Variants in DNAH10 observed in about 807,000 individuals in gnomAD.
The protein encoded by DNAH10 is axonemal beta dynein heavy chain 10.
Under a neutral mutation model 506.6 loss-of-function variants are expected in DNAH10, and 348 were observed. That is an observed-to-expected ratio of 0.69 (90% confidence interval 0.63 to 0.75). DNAH10 has a LOEUF of 0.75. Ranked by LOEUF, DNAH10 falls within the 30% of genes least tolerant of loss-of-function variation. The pLI is 0.00. For missense variants in DNAH10, 5,179 were observed against 5,787.1 expected (o/e 0.89, Z 3.41); for synonymous variants, 2,059 against 2,198.6 (o/e 0.94, Z 1.78).
chr12:123,810,012 CCTTTT>C (rs1228880240), intron 19 of DNAH10, among the ~76,000 whole-genome samples: 3 of 152,154 alleles, frequency 2.0e-5, no homozygotes, highest in African/African-American at 7.2e-5. Context: ...CACTCTCCGA[CCTTTT>C]CTTATTTTTT....
At position 123,923,919 on chromosome 12, in the gene DNAH10, A is replaced by G. The variant is rs201766063; in HGVS notation, c.11611+52A>G. On this transcript the variant is annotated intron_variant, in intron 66 of 78. Coordinates refer to ENST00000673944, the MANE Select transcript of DNAH10 (RefSeq NM_001372106.1). ...TCCCATCTCCTTGCCCACATGATAC[A>G]TGTATATAAGTTTGTCTGTTGAAAC... is the stretch of plus-strand genomic sequence containing the variant. 3.9e-3 allele frequency: 5,183 copies of G among 1,337,374 alleles called. 16 individuals carry two copies. The highest frequency in any genetic ancestry group is 5.0e-3 in the Non-Finnish European group (4,801 of 962,172). 82.8% of individuals were successfully genotyped at this position (1,337,374 alleles called of 1,614,324 possible). A position where few individuals can be genotyped will look rare whatever the true frequency, so the allele number is the denominator to read the frequency against.
Position 123,867,895 on chromosome 12 carries a change from TGAACC to T in DNAH10, c.7303-7_7303-3del. 2 of 1,611,144 alleles carry T rather than the reference TGAACC, an allele frequency of 1.2e-6. No homozygotes were observed. The highest frequency in any genetic ancestry group is 1.7e-6 in the Non-Finnish European group (2 of 1,178,536). On this transcript the variant is annotated splice_polypyrimidine_tract_variant and splice_region_variant and intron_variant, in intron 42 of 78. Coordinates refer to ENST00000673944, the MANE Select transcript of DNAH10 (RefSeq NM_001372106.1). ...GTGGGCTGAACCAGATATTTTCCTG[TGAACC>T]AGGTAACCCAGTTAGCCAAGATGTT... is the stretch of plus-strand genomic sequence containing the variant.
chr12:123,920,527 G>A (rs1345389974), intron 65 of DNAH10, among the ~76,000 whole-genome samples: 1 of 152,184 alleles, frequency 6.6e-6, no homozygotes, highest in Non-Finnish European at 1.5e-5. Context: ...CCCCTTGCTT[G>A]TGGTTTGCCC....
intron 19 of DNAH10, among the ~76,000 whole-genome samples, chr12:123,811,922 C>A (rs1022373980): frequency 5.9e-5 from 9 of 152,022 alleles, no homozygotes; most frequent in Admixed American, 5.2e-4. Flanking sequence ...CAGGTGCGAG[C>A]CAACGCGCCC....
At chr12:123,784,469 C>A (rs577729046) in intron 8 of DNAH10, among the ~76,000 whole-genome samples, 1 of 152,176 alleles carries the variant, frequency 6.6e-6, no homozygotes, top group African/African-American at 2.4e-5. Context: ...ATTGCTTGAG[C>A]CTGGGAGATG....
chr12:123,826,034 G>A (rs192562124), intron 24 of DNAH10, among the ~76,000 whole-genome samples: 1 of 152,174 alleles, frequency 6.6e-6, no homozygotes, highest in East Asian at 1.9e-4. Flanking sequence ...TGAGATGGGA[G>A]GATCACTTGA....
rs1297164405 is a variant in DNAH10 at position 123,865,984 on chromosome 12, G to C, written c.7078G>C (p.Val2360Leu). 2.5e-6 allele frequency: 4 copies of C among 1,608,762 alleles called. No homozygotes were observed. The highest frequency in any genetic ancestry group is 1.1e-5 in the South Asian group (1 of 90,036). ...GDLQYASPAT[V>L]SRCGMVYVDP... ...TTTACAGTATGCCTCCCCTGCAACT[G>C]TCTCTCGATGTGGAATGGTTTATGT... Residue 2360 changes from valine to leucine, a missense_variant, in exon 41 of 79, where the codon GTC (valine) becomes CTC (leucine). Transcript: ENST00000673944.
intron 19 of DNAH10, among the ~76,000 whole-genome samples, chr12:123,809,303 C>T (rs189212769): frequency 1.2e-4 from 19 of 152,240 alleles, no homozygotes; most frequent in Non-Finnish European, 2.4e-4. Flanking sequence ...GTTGCAGTGA[C>T]GTTCCATCAA....
Position 123,894,705 on chromosome 12 carries a change from G to A in DNAH10, c.9262G>A (p.Val3088Ile). Reference protein sequence around the residue: ...MPWPPQALHAVAKSFLGYNPM... With the variant: ...MPWPPQALHAIAKSFLGYNPM... ...CTGGCCTCCCCAAGCCCTCCATGCG[G>A]TCGCAAAGTCCTTTCTAGGTAAGTC... Residue 3088 changes from valine to isoleucine, a missense_variant, in exon 54 of 79, where the codon GTC becomes ATC. This residue lies in a region of DNAH10 where 4,844 missense variants were observed against 5,430.5 expected (regional missense o/e 0.89). Transcript: ENST00000673944. 6.2e-7 allele frequency: 1 copy of A among 1,614,002 alleles called. No homozygotes were observed. Among genetic ancestry groups the A allele is most frequent in the South Asian group, 1.1e-5 (1 of 91,080 alleles).
chr12:123,861,112 G>C lies in DNAH10; in HGVS notation c.6850G>C (p.Gly2284Arg). 6.2e-7 allele frequency: 1 copy of C among 1,613,984 alleles called. No homozygotes were observed. The highest frequency in any genetic ancestry group is 2.2e-5 in the East Asian group (1 of 44,890). Residue 2284 changes from glycine to arginine, a missense_variant, in exon 39 of 79, where the codon GGG (glycine) becomes CGG (arginine). Physicochemically the swap from Gly to Arg is moderately radical, Grantham distance 125. Coordinates refer to ENST00000673944, the MANE Select transcript of DNAH10 (RefSeq NM_001372106.1). The part of the protein sequence containing the change: ...LDPTTRDWTD[G>R]VLSNIFREIN... ...CCCAACCACCCGAGACTGGACAGAT[G>C]GGGTGTTGTCAAACATCTTCAGGGA...
chr12:123,886,162 A>AT (rs1485551016), intron 51 of DNAH10, among the ~76,000 whole-genome samples: 1 of 151,956 alleles, frequency 6.6e-6, no homozygotes, highest in Non-Finnish European at 1.5e-5. Flanking sequence ...AAGTTTTATT[A>AT]TTTTTTTTCT....
chr12:123,859,654 G>A (rs1397763146), intron 38 of DNAH10, among the ~76,000 whole-genome samples: 1 of 152,138 alleles, frequency 6.6e-6, no homozygotes, highest in African/African-American at 2.4e-5. Flanking sequence ...GAAAACGAAT[G>A]TCACCTCCCC....
chr12:123,844,504 C>T (rs772175148), intron 30 of DNAH10, among the ~76,000 whole-genome samples: 1 of 152,176 alleles, frequency 6.6e-6, no homozygotes, highest in Non-Finnish European at 1.5e-5. Context: ...CCCCACGACT[C>T]AGCAGGATCT....
chr12:123,818,034 C>T (rs769441386), intron 21 of DNAH10, among the ~76,000 whole-genome samples: 9 of 151,358 alleles, frequency 5.9e-5, no homozygotes, highest in Middle Eastern at 3.5e-3. Context: ...CTGCAACCTC[C>T]GACTCCTGGG....
chr12:123,884,554 A>G (rs1952647349), intron 51 of DNAH10, among the ~76,000 whole-genome samples: 1 of 152,218 alleles, frequency 6.6e-6, no homozygotes, highest in South Asian at 2.1e-4. Context: ...TGGATGGATG[A>G]CAGCACGAAA....
In DNAH10 at chr12:123,926,450, T is replaced by G; in HGVS notation, c.11922-187T>G. ...CAGAGAAGTCCCTGCCACTCAGGAG[T>G]TCCCCATCAGGGTGGGAGACGTGCA... On this transcript the variant is annotated intron_variant, in intron 68 of 78. Coordinates refer to ENST00000673944, the MANE Select transcript of DNAH10 (RefSeq NM_001372106.1). The surrounding 1 kb of genome is among the most constrained non-coding windows in gnomAD (Gnocchi z 4.1). The G allele has an allele frequency of 1.7e-6, 1 of 593,654 alleles. No homozygotes were observed. Among genetic ancestry groups the G allele is most frequent in the Non-Finnish European group, 2.8e-6 (1 of 355,598 alleles). The allele number at this position is 593,654 out of a possible 1,614,324, so 36.8% of individuals were successfully genotyped here.
intron 53 of DNAH10, among the ~76,000 whole-genome samples, chr12:123,893,774 G>A (rs1028609860): frequency 1.5e-4 from 23 of 152,296 alleles, no homozygotes; most frequent in Middle Eastern, 3.4e-3. Flanking sequence ...GGGCAGGGGC[G>A]GGGGAGGTTG....
At position 123,929,456 on chromosome 12, in the gene DNAH10, A is replaced by G. The variant is rs777723148; in HGVS notation, c.12488A>G (p.Tyr4163Cys). 6.2e-7 allele frequency: 1 copy of G among 1,613,612 alleles called. No homozygotes were observed. The highest frequency in any genetic ancestry group is 8.5e-7 in the Non-Finnish European group (1 of 1,179,790). ...TTTGGGAAGATTGGCTGGAACGTGT[A>G]CTATGACTTCAATGAGTCTGACTTC... ...RKFGKIGWNV[Y>C]YDFNESDFQV... Residue 4163 changes from tyrosine (Y) to cysteine (C), a missense_variant, in exon 71 of 79, where the codon TAC becomes TGC. Tyr to Cys is a radical substitution (Grantham distance 194). This residue lies in a region of DNAH10 where 4,844 missense variants were observed against 5,430.5 expected (regional missense o/e 0.89). Coordinates refer to ENST00000673944, the MANE Select transcript of DNAH10 (RefSeq NM_001372106.1).
chr12:123,915,899 C>T lies in DNAH10; in HGVS notation c.10723-558C>T, dbSNP rs373779922. Among the ~76,000 whole-genome samples, 6 of 152,338 alleles carry T rather than the reference C, an allele frequency of 3.9e-5. No individual in the cohort carries two copies. In the East Asian group the frequency reaches 9.6e-4, roughly 24 times the overall value. On this transcript the variant is annotated intron_variant, in intron 62 of 78. Coordinates refer to ENST00000673944, the MANE Select transcript of DNAH10 (RefSeq NM_001372106.1). Reference sequence around the variant, plus strand: ...GGGCGATACCTAGGAATGGAATTGCCGGGGCGGCCCAATCACTTTTTGCTG... The same window carrying T: ...GGGCGATACCTAGGAATGGAATTGCTGGGGCGGCCCAATCACTTTTTGCTG...
Sources: gnomAD v4.1 joint callset for allele counts (sites outside exome capture counted in the v4.1 genomes callset) on GRCh38, gnomAD v4.1.1 for gene constraint, gnomAD v4.1.1 regional missense constraint, Gnocchi (gnomAD v3.1) non-coding constraint, MANE v1.5 for transcripts, NCBI Gene and HGNC (gene_info 2026-07-23, HGNC 2026-07-21) for gene names.